The following ZNF638 variants were observed in gnomAD, a reference collection of about 807,000 sequenced individuals.
ZNF638 encodes CTCL tumor antigen se33-1.
ZNF638 carries 46 observed loss-of-function variants against 195.6 expected under a neutral mutation model. That is an observed-to-expected ratio of 0.24 (90% CI 0.19 to 0.30). The LOEUF (loss-of-function observed/expected upper bound fraction) is 0.30. Among genes scored for constraint, ZNF638 ranks in the 10% least tolerant of loss-of-function variants. ZNF638 has a pLI of 1.00. For synonymous variants in ZNF638, 845 were observed against 772.0 expected (o/e 1.09, Z -1.57); for missense variants, 2,440 against 2,325.3 (o/e 1.05, Z -1.01).
Position 71,406,151 on chromosome 2 carries a change from T to G in ZNF638, c.3024T>G (p.Asp1008Glu). ...AGGCAAACATAGATACAATTTATGA[T>G]CGATTTGTACATCTTGATAATTTAC... Reference protein sequence around the residue: ...DPEANIDTIYDRFVHLDNLPE... With the variant: ...DPEANIDTIYERFVHLDNLPE... Residue 1008 changes from aspartate to glutamate, a missense_variant, in exon 19 of 28, where the codon GAT becomes GAG. By Grantham distance (45) the Asp-to-Glu change is conservative. Coordinates refer to ENST00000264447, the MANE Select transcript of ZNF638 (RefSeq NM_014497.5). 4.3e-6 allele frequency: 7 copies of G among 1,613,732 alleles called. No homozygotes were observed. The highest frequency in any genetic ancestry group is 5.9e-6 in the Non-Finnish European group (7 of 1,179,750).
chr2:71,392,191 T>C (rs1473550717), intron 10 of ZNF638, among the ~76,000 whole-genome samples: 1 of 152,242 alleles, frequency 6.6e-6, no homozygotes, highest in African/African-American at 2.4e-5. Context: ...GCAGGCCATA[T>C]AAAATATGCC....
At position 71,388,822 on chromosome 2, in the gene ZNF638, A is replaced by G. The variant is rs536264591; in HGVS notation, c.2378-7319A>G. On this transcript the variant is annotated intron_variant, in intron 10 of 27. Coordinates refer to ENST00000264447, the MANE Select transcript of ZNF638 (RefSeq NM_014497.5). ...CAGCTGTCCGCACAACAGAAACAGTATATAAAAGTATTGAAACAACTGCTT... is the reference window on the plus strand; with the variant it reads ...CAGCTGTCCGCACAACAGAAACAGTGTATAAAAGTATTGAAACAACTGCTT... 81 of 732,560 alleles carry G rather than the reference A, an allele frequency of 1.1e-4. No individual in the cohort carries two copies. The South Asian group carries it at 1.2e-3, about 10-fold the overall frequency. The allele number at this position is 732,560 out of a possible 1,614,324, so 45.4% of individuals were successfully genotyped here. A position where few individuals can be genotyped will look rare whatever the true frequency, so the allele number is the denominator to read the frequency against.
intron 1 of ZNF638, among the ~76,000 whole-genome samples, chr2:71,335,951 T>C (rs1166296571): frequency 2.0e-5 from 3 of 152,238 alleles, no homozygotes. Context: ...CTCTCAAGTC[T>C]ATAAACTCCC....
chr2:71,397,548 G>C (rs756430273), intron 11 of ZNF638, among the ~76,000 whole-genome samples: 1 of 152,102 alleles, frequency 6.6e-6, no homozygotes, highest in Non-Finnish European at 1.5e-5. Context: ...GTTCCTGTTA[G>C]GTAATTTTGG....
intron 8 of ZNF638, among the ~76,000 whole-genome samples, chr2:71,374,510 T>C (rs1191925109): frequency 6.6e-6 from 1 of 152,244 alleles, no homozygotes; most frequent in Non-Finnish European, 1.5e-5. Context: ...GAACATTTAC[T>C]CCTGCACATT....
At chr2:71,385,935 A>G (rs1448007931) in intron 10 of ZNF638, among the ~76,000 whole-genome samples, 2 of 152,184 alleles carry the variant, frequency 1.3e-5, no homozygotes, top group Non-Finnish European at 2.9e-5. Flanking sequence ...CACTTTGAAT[A>G]ATGGACTATG....
chr2:71,376,927 T>TC (rs1198500714), intron 8 of ZNF638, among the ~76,000 whole-genome samples: 1 of 152,172 alleles, frequency 6.6e-6, no homozygotes, highest in Non-Finnish European at 1.5e-5. Context: ...AAAGCAAACA[T>TC]TCTTTTTTTC....
intron 10 of ZNF638, among the ~76,000 whole-genome samples, chr2:71,394,488 A>G (rs981460413): frequency 2.6e-5 from 4 of 152,128 alleles, no homozygotes; most frequent in Non-Finnish European, 5.9e-5. Flanking sequence ...TCAAAACTCC[A>G]TGTTTGTGAC....
At position 71,388,628 on chromosome 2, in the gene ZNF638, G is replaced by T. The variant is rs560040440; in HGVS notation, c.2378-7513G>T. 9 of 822,446 alleles carry T rather than the reference G, an allele frequency of 1.1e-5. No homozygotes were observed. In the East Asian group the frequency reaches 2.2e-4, roughly 20 times the overall value. The allele number at this position is 822,446 out of a possible 1,614,324, so 50.9% of individuals were successfully genotyped here. ...TTCATCCGTCGCTCGGCCAGAGTCG[G>T]TGGATCAGACTCAGCAGCTGGTGCC... On this transcript the variant is annotated intron_variant, in intron 10 of 27. Coordinates refer to ENST00000264447, the MANE Select transcript of ZNF638 (RefSeq NM_014497.5).
intron 6 of ZNF638, among the ~76,000 whole-genome samples, 186 bp downstream of exon 6, chr2:71,365,892 T>C (rs2079189893): frequency 6.6e-6 from 1 of 152,160 alleles, no homozygotes. Flanking sequence ...GCTAATTTTT[T>C]AATTTTTGTA....
At chr2:71,344,998 A>G (rs902387505) in intron 1 of ZNF638, among the ~76,000 whole-genome samples, 1 of 152,220 alleles carries the variant, frequency 6.6e-6, no homozygotes, top group African/African-American at 2.4e-5. Context: ...CCCCTTATCC[A>G]TGGCTATACT....
At chr2:71,347,545 T>C (rs568464984) in intron 1 of ZNF638, among the ~76,000 whole-genome samples, 1 of 152,348 alleles carries the variant, frequency 6.6e-6, no homozygotes, top group South Asian at 2.1e-4. Flanking sequence ...TTTATAACAA[T>C]TGTAGATGCC....
chr2:71,340,139 A>G (rs537929451), intron 1 of ZNF638, among the ~76,000 whole-genome samples: 272 of 152,302 alleles, frequency 1.8e-3, no homozygotes, highest in Non-Finnish European at 2.9e-3. Context: ...GTGTTTATCA[A>G]TCCTTGCAGT....
At chr2:71,409,467 C>T (rs1315100745) in intron 20 of ZNF638, among the ~76,000 whole-genome samples, 1 of 152,104 alleles carries the variant, frequency 6.6e-6, no homozygotes, top group African/African-American at 2.4e-5. Context: ...TTTTTGGTAT[C>T]ATGATTATGA....
intron 23 of ZNF638, among the ~76,000 whole-genome samples, chr2:71,424,997 CAT>C (rs1310723573): frequency 1.3e-5 from 2 of 152,046 alleles, no homozygotes; most frequent in African/African-American, 4.8e-5. Context: ...CCTCCAATCT[CAT>C]ATTGACAGGA....
chr2:71,414,023 C>G (rs1271859741), intron 20 of ZNF638, among the ~76,000 whole-genome samples: 2 of 128,806 alleles, frequency 1.6e-5, no homozygotes, highest in African/African-American at 2.9e-5. Flanking sequence ...CCCTCTTTTT[C>G]TGTTGATTGG....
intron 1 of ZNF638, among the ~76,000 whole-genome samples, chr2:71,342,320 C>T (rs1047158496): frequency 1.1e-4 from 17 of 151,662 alleles, no homozygotes; most frequent in Admixed American, 1.1e-3. Context: ...TTCTTAGGGA[C>T]TCAGCTTCCA....
At chr2:71,395,814 G>T (rs911753879) in intron 10 of ZNF638, 13 of 422,512 alleles carry the variant, frequency 3.1e-5, no homozygotes, top group African/African-American at 2.4e-4. Flanking sequence ...GGTCAGACTT[G>T]GCAGGATTTT....
rs893540118 is a variant in ZNF638 at position 71,388,409 on chromosome 2, G to T, written c.2378-7732G>T. On this transcript the variant is annotated intron_variant, in intron 10 of 27. Transcript: ENST00000264447. Reference sequence around the variant, plus strand: ...TCATCTGACCTTTGATCATCCGCGTGCAGGACTGCTCCCTACAGGCGGGGG... The same window carrying T: ...TCATCTGACCTTTGATCATCCGCGTTCAGGACTGCTCCCTACAGGCGGGGG... 1.5e-5 allele frequency: 10 copies of T among 670,590 alleles called. No individual in the cohort carries two copies. The African/African-American group carries it at 1.6e-4, about 11-fold the overall frequency. 41.5% of individuals were successfully genotyped at this position (670,590 alleles called of 1,614,324 possible).
Sources: gnomAD v4.1 joint callset for allele counts (sites outside exome capture counted in the v4.1 genomes callset) on GRCh38, gnomAD v4.1.1 for gene constraint, MANE v1.5 for transcripts, NCBI Gene and HGNC (gene_info 2026-07-23, HGNC 2026-07-21) for gene names.